MEOX1: variants seen among roughly 807,000 people sequenced by gnomAD.
MEOX1 encodes the protein mesenchyme homeobox 1.
In MEOX1, 17 loss-of-function variants were observed where a neutral mutation model predicts 23.2. The observed-to-expected ratio is 0.73, with a 90% CI of 0.50 to 1.10. MEOX1 has a LOEUF of 1.10. MEOX1 is among the 50% of genes least tolerant of loss of function. The pLI, the probability that MEOX1 is intolerant of heterozygous loss-of-function variation, is 0.00. For synonymous variants in MEOX1, 134 were observed against 135.1 expected (o/e 0.99, Z 0.06); for missense variants, 333 against 332.2 (o/e 1.00, Z -0.02).
chr17:43,654,114 C>G (rs1342913672), intron 1 of MEOX1, among the ~76,000 whole-genome samples: 1 of 152,168 alleles, frequency 6.6e-6, no homozygotes, highest in Admixed American at 6.5e-5. Flanking sequence ...GCCCTAACCC[C>G]AGTACCTTAG....
At chr17:43,646,463 T>G (rs1335963948) in intron 1 of MEOX1, among the ~76,000 whole-genome samples, 2 of 152,170 alleles carry the variant, frequency 1.3e-5, no homozygotes, top group African/African-American at 4.8e-5. Flanking sequence ...GTCCCGAGGC[T>G]TAGTGTTTCC....
At chr17:43,643,438 G>A (rs975200690) in intron 2 of MEOX1, 50 bp downstream of exon 2, 1 of 1,478,876 alleles carries the variant, frequency 6.8e-7, no homozygotes, top group Non-Finnish European at 9.1e-7. Context: ...AAGGAGGGAA[G>A]GGAGGGAGAT....
intron 1 of MEOX1, among the ~76,000 whole-genome samples, chr17:43,657,111 C>T (rs1973046953): frequency 7.3e-6 from 1 of 137,474 alleles, no homozygotes; most frequent in African/African-American, 2.7e-5. Context: ...CTCTCTTTTT[C>T]TCTCTGTCTC....
At chr17:43,660,158 C>T (rs1973110886) in intron 1 of MEOX1, among the ~76,000 whole-genome samples, 1 of 152,174 alleles carries the variant, frequency 6.6e-6, no homozygotes, top group African/African-American at 2.4e-5. Flanking sequence ...GACAAGGAAC[C>T]AGACAAAAGG....
intron 1 of MEOX1, among the ~76,000 whole-genome samples, chr17:43,644,888 C>A (rs1381722803): frequency 6.6e-6 from 1 of 152,144 alleles, no homozygotes; most frequent in Non-Finnish European, 1.5e-5. Flanking sequence ...TGCACTCCAG[C>A]CTGGGCGACA....
intron 1 of MEOX1, among the ~76,000 whole-genome samples, chr17:43,652,180 A>G (rs1972930878): frequency 6.6e-6 from 1 of 152,088 alleles, no homozygotes; most frequent in Non-Finnish European, 1.5e-5. Flanking sequence ...CTGGACCATA[A>G]AACTTCTTCC....
At position 43,643,482 on chromosome 17, in the gene MEOX1, G is replaced by T. The variant is rs1435896943; in HGVS notation, c.642+6C>A. On this transcript the variant is annotated splice_donor_region_variant and intron_variant, in intron 2 of 2. Transcript: ENST00000318579. ...AAAGAAGAGGAGGGGCCCACCGGGG[G>T]CGCACCTGGCGCTCAGAGAGGTCCA... The T allele has an allele frequency of 2.5e-6, 4 of 1,569,836 alleles. No homozygotes were observed. In the East Asian group the frequency reaches 7.0e-5, roughly 28 times the overall value.
intron 1 of MEOX1, among the ~76,000 whole-genome samples, chr17:43,647,414 A>G (rs1298592726): frequency 6.6e-6 from 1 of 152,190 alleles, no homozygotes; most frequent in African/African-American, 2.4e-5. Context: ...CAGGCCCAGG[A>G]AATTGCCCAG....
At chr17:43,643,442 G>A in intron 2 of MEOX1, 46 bp downstream of exon 2, 1 of 1,493,028 alleles carries the variant, frequency 6.7e-7, no homozygotes, top group Non-Finnish European at 9.0e-7. Flanking sequence ...AGGGAAGGGA[G>A]GGAGATGAGA....
chr17:43,645,173 T>A (rs1437889637), intron 1 of MEOX1, among the ~76,000 whole-genome samples: 1,775 of 87,222 alleles, frequency 0.02, 67 homozygotes, highest in African/African-American at 0.073. Context: ...TTAATTATCT[T>A]TTTTTTTTTT....
chr17:43,645,757 C>T (rs1334914784), intron 1 of MEOX1, among the ~76,000 whole-genome samples: 2 of 152,212 alleles, frequency 1.3e-5, no homozygotes, highest in African/African-American at 4.8e-5. Context: ...CACATTAACC[C>T]GGCGATCCAC....
At chr17:43,657,012 C>CTCCTTCTTTCTT (rs1555567821) in intron 1 of MEOX1, among the ~76,000 whole-genome samples, 7 of 105,146 alleles carry the variant, frequency 6.7e-5, no homozygotes, top group South Asian at 3.2e-4. Flanking sequence ...TTCTTTCTTT[C>CTCCTTCTTTCTT]TCTTTCTTTC....
chr17:43,661,786 G>GC lies in MEOX1; in HGVS notation c.-253dup, dbSNP rs1973151165. ...TCGGGCTTGCTCCTGCCCCTCCAAT[G>GC]CACCAGCCTACCTACTGGGATCCCC... On this transcript the variant is annotated 5_prime_UTR_variant, in exon 1 of 3. Transcript: ENST00000318579. The GC allele has an allele frequency of 2.5e-6, 1 of 394,564 alleles. No individual in the cohort carries two copies. The highest frequency in any genetic ancestry group is 2.1e-5 in the African/African-American group (1 of 48,276). The allele number at this position is 394,564 out of a possible 1,614,324, so 24.4% of individuals were successfully genotyped here.
At chr17:43,645,551 C>T (rs1408415989) in intron 1 of MEOX1, among the ~76,000 whole-genome samples, 2 of 152,174 alleles carry the variant, frequency 1.3e-5, no homozygotes, top group African/African-American at 4.8e-5. Flanking sequence ...GGCCCAACGT[C>T]CTGCTCCCTG....
rs1371183876 is a variant in MEOX1, at chr17:43,643,571, C to T, written c.559G>A (p.Glu187Lys). ...AFTKEQLREL[E>K]AEFAHHNYLT... ...TAGTTATGATGGGCAAACTCTGCCTCCAGCTCTCGCAGCTGCTCCTTGGTG... is the reference window on the plus strand; with the variant it reads ...TAGTTATGATGGGCAAACTCTGCCTTCAGCTCTCGCAGCTGCTCCTTGGTG... The change falls in exon 2 of 3, where the codon GAG becomes AAG. Residue 187 changes from glutamate (E) to lysine (K), a missense_variant. Glu to Lys is a moderately conservative substitution (Grantham distance 56, BLOSUM62 1). Coordinates refer to ENST00000318579, the MANE Select transcript of MEOX1 (RefSeq NM_004527.4). 1.9e-6 allele frequency: 3 copies of T among 1,612,604 alleles called. No homozygotes were observed. The highest frequency in any genetic ancestry group is 2.5e-6 in the Non-Finnish European group (3 of 1,179,590).
intron 1 of MEOX1, among the ~76,000 whole-genome samples, chr17:43,644,869 T>A (rs1028399729): frequency 6.6e-6 from 1 of 152,042 alleles, no homozygotes; most frequent in Non-Finnish European, 1.5e-5. Flanking sequence ...TGAGCGGAGA[T>A]CACGCCATTG....
rs149473238 is a variant in MEOX1, at chr17:43,658,294, G to A, written c.469+2772C>T. Among the ~76,000 whole-genome samples the A allele has an allele frequency of 4.3e-3, 651 of 152,290 alleles. 4 individuals carry two copies. The highest frequency in any genetic ancestry group is 0.014 in the Middle Eastern group (4 of 294). ...GAGGCCGAGGTGGGCTGATCACGAG[G>A]TCAGGAGTTTGAGACCATCCTGACC... On this transcript the variant is annotated intron_variant, in intron 1 of 2. Transcript: ENST00000318579.
Position 43,661,311 on chromosome 17 carries a change from G to A in MEOX1, c.224C>T (p.Pro75Leu), listed in dbSNP as rs776672447. 6.2e-7 allele frequency: 1 copy of A among 1,612,340 alleles called. No individual in the cohort carries two copies. Among genetic ancestry groups the A allele is most frequent in the South Asian group, 1.1e-5 (1 of 90,798 alleles). The change falls in exon 1 of 3, where the codon CCC (proline) becomes CTC (leucine). Residue 75 changes from proline (P) to leucine (L), a missense_variant. Transcript: ENST00000318579. ...CTCAGTGAAGATGTGCTCCTCCTGGGGCAGGCTGTGTGGGGTGGCTGCCAG... is the reference window on the plus strand; with the variant it reads ...CTCAGTGAAGATGTGCTCCTCCTGGAGCAGGCTGTGTGGGGTGGCTGCCAG... ...SCLAATPHSL[P>L]QEEHIFTEQH...
chr17:43,660,476 G>A (rs1020575971), intron 1 of MEOX1, among the ~76,000 whole-genome samples: 1 of 152,166 alleles, frequency 6.6e-6, no homozygotes, highest in Admixed American at 6.5e-5. Flanking sequence ...TATCTGGTGG[G>A]CAGTCTGCCC....
Sources: allele counts gnomAD v4.1 joint callset (sites outside exome capture counted in the v4.1 genomes callset), GRCh38; gene constraint gnomAD v4.1.1; transcripts MANE v1.5; gene names NCBI Gene and HGNC (gene_info 2026-07-23, HGNC 2026-07-21).